The following CRTAC1 variants were observed in gnomAD, a reference collection of about 807,000 sequenced individuals.
The protein encoded by CRTAC1 is acidic secreted protein in cartilage.
Under a neutral mutation model 67.8 loss-of-function variants are expected in CRTAC1, and 37 were observed. The observed-to-expected ratio is 0.55, with a 90% CI of 0.42 to 0.72. The LOEUF (loss-of-function observed/expected upper bound fraction) is 0.72, where lower values mean the gene tolerates loss of function less well. CRTAC1 is among the 30% of genes least tolerant of loss of function. The probability of loss-of-function intolerance (pLI) is 0.00; values close to 1 mark genes in which losing one functional copy is unlikely to be tolerated. For synonymous variants in CRTAC1, 348 were observed against 371.0 expected (o/e 0.94, Z 0.71); for missense variants, 780 against 931.6 (o/e 0.84, Z 2.12).
chr10:97,923,491 G>C, intron 3 of CRTAC1, 91 bp from the exon 4 acceptor site: 2 of 1,541,456 alleles, frequency 1.3e-6, no homozygotes, highest in Non-Finnish European at 1.8e-6. Flanking sequence ...CTTTCACAAG[G>C]TGGTTGGGAC....
At chr10:97,876,227 C>A (rs2050145580) in intron 14 of CRTAC1, among the ~76,000 whole-genome samples, 2 of 152,184 alleles carry the variant, frequency 1.3e-5, no homozygotes, top group Non-Finnish European at 2.9e-5. Flanking sequence ...TCCAGTCCTG[C>A]CTTCGTCTGT....
At chr10:97,906,659 G>A (rs557254642) in intron 6 of CRTAC1, among the ~76,000 whole-genome samples, 1 of 152,280 alleles carries the variant, frequency 6.6e-6, no homozygotes, top group African/African-American at 2.4e-5. Context: ...ATAGCACTAG[G>A]AGGGGTGAGC....
Position 97,923,162 on chromosome 10 carries a change from C to T in CRTAC1, c.558+102G>A. On this transcript the variant is annotated intron_variant, in intron 4 of 14. Transcript: ENST00000370597. ...TATTTAGCACCCAATCTATCCAAGA[C>T]ACCGCGGGAGACGCCACTCTGTCAG... The T allele has an allele frequency of 2.9e-6, 4 of 1,389,598 alleles. No individual in the cohort carries two copies. The South Asian group carries it at 3.7e-5, about 13-fold the overall frequency. The allele number at this position is 1,389,598 out of a possible 1,614,324, so 86.1% of individuals were successfully genotyped here.
intron 2 of CRTAC1, among the ~76,000 whole-genome samples, chr10:97,947,387 C>G (rs1193840529): frequency 6.6e-6 from 1 of 152,142 alleles, no homozygotes; most frequent in Non-Finnish European, 1.5e-5. Context: ...TTTGTTTGAT[C>G]TGGAACTTGA....
chr10:97,874,805 GC>G (rs1357442938), intron 14 of CRTAC1, among the ~76,000 whole-genome samples: 1 of 152,036 alleles, frequency 6.6e-6, no homozygotes, highest in Non-Finnish European at 1.5e-5. Context: ...TTCTCAGGGA[GC>G]CCCCCTGCCC....
At chr10:97,956,761 T>A (rs538310221) in intron 2 of CRTAC1, among the ~76,000 whole-genome samples, 1 of 151,578 alleles carries the variant, frequency 6.6e-6, no homozygotes, top group South Asian at 2.1e-4. Flanking sequence ...ACAAAAATGA[T>A]CTCAGAGGTG....
At chr10:97,968,974 A>C (rs1010643423) in intron 2 of CRTAC1, among the ~76,000 whole-genome samples, 1 of 152,210 alleles carries the variant, frequency 6.6e-6, no homozygotes, top group Admixed American at 6.5e-5. Context: ...GGAATTTCTC[A>C]GTCACATTTG....
intron 1 of CRTAC1, among the ~76,000 whole-genome samples, chr10:98,024,559 G>T (rs1021552643): frequency 6.6e-6 from 1 of 152,100 alleles, no homozygotes; most frequent in Non-Finnish European, 1.5e-5. Flanking sequence ...TCTGGATGCT[G>T]ATCAGATTTC....
At chr10:97,874,320 T>A (rs4511226) in intron 14 of CRTAC1, among the ~76,000 whole-genome samples, 25,696 of 152,252 alleles carry the variant, frequency 0.17, 2,818 homozygotes, top group Middle Eastern at 0.3. Flanking sequence ...TAGCTCCTGG[T>A]GACCTCTGCT....
intron 12 of CRTAC1, among the ~76,000 whole-genome samples, chr10:97,883,078 G>A (rs1373262347): frequency 6.6e-6 from 1 of 152,212 alleles, no homozygotes; most frequent in Non-Finnish European, 1.5e-5. Context: ...GGATCCACAC[G>A]AGCTGGGACG....
chr10:97,981,832 A>G (rs1246696183), intron 2 of CRTAC1, among the ~76,000 whole-genome samples: 1 of 152,242 alleles, frequency 6.6e-6, no homozygotes, highest in African/African-American at 2.4e-5. Context: ...TGTTAATAAA[A>G]ACAAGAGTCT....
chr10:97,915,694 G>T (rs1470727788), intron 5 of CRTAC1, among the ~76,000 whole-genome samples: 1 of 152,088 alleles, frequency 6.6e-6, no homozygotes, highest in Non-Finnish European at 1.5e-5. Flanking sequence ...AGTGACAAGG[G>T]GGGCTACAGG....
chr10:97,865,332 G>A lies in CRTAC1; in HGVS notation c.*216C>T. The A allele has an allele frequency of 2.0e-6, 1 of 489,330 alleles. No individual in the cohort carries two copies. Among genetic ancestry groups the A allele is most frequent in the Non-Finnish European group, 3.5e-6 (1 of 289,302 alleles). 30.3% of individuals were successfully genotyped at this position (489,330 alleles called of 1,614,324 possible). A position where few individuals can be genotyped will look rare whatever the true frequency, so the allele number is the denominator to read the frequency against. ...ACCCACTGGAATGTAAGCGCCATCA[G>A]GGCAGCGACCCTGTCTGCTGTGATC... On this transcript the variant is annotated 3_prime_UTR_variant, in exon 15 of 15. Coordinates refer to ENST00000370597, the MANE Select transcript of CRTAC1 (RefSeq NM_018058.7).
intron 2 of CRTAC1, among the ~76,000 whole-genome samples, chr10:97,976,463 G>C (rs2051805204): frequency 6.6e-6 from 1 of 152,166 alleles, no homozygotes; most frequent in African/African-American, 2.4e-5. Context: ...ACCTCATGGG[G>C]TTAAAGTGGG....
At chr10:98,014,189 C>T (rs1227546900) in intron 1 of CRTAC1, among the ~76,000 whole-genome samples, 1 of 152,206 alleles carries the variant, frequency 6.6e-6, no homozygotes, top group African/African-American at 2.4e-5. Context: ...ACCCTGGCTA[C>T]TCAGAGCAGT....
intron 7 of CRTAC1, 98 bp downstream of exon 7, chr10:97,904,571 C>A (rs2050583705): frequency 3.2e-6 from 4 of 1,245,646 alleles, no homozygotes; most frequent in East Asian, 2.7e-5. Context: ...AGGCACGCAC[C>A]ACCACACCTG....
rs1267503999 is a variant in CRTAC1 at position 97,975,352 on chromosome 10, A to G, written c.224+35786T>C. 1.3e-5 allele frequency among the ~76,000 whole-genome samples: 2 copies of G among 151,880 alleles called. No individual in the cohort carries two copies. The highest frequency in any genetic ancestry group is 1.3e-4 in the Admixed American group (2 of 15,280). The stretch of plus-strand genomic sequence containing the variant: ...GGTTCCTGACCCGCCTCCTGGCTGG[A>G]GGGTTCAAAAGACTTCAGACCTCCG... On this transcript the variant is annotated intron_variant, in intron 2 of 14. Transcript: ENST00000370597. This position sits in a 1 kb window ranked among gnomAD's most constrained non-coding sequence, Gnocchi z 4.8.
At chr10:98,018,368 T>G (rs1018188604) in intron 1 of CRTAC1, among the ~76,000 whole-genome samples, 5 of 151,942 alleles carry the variant, frequency 3.3e-5, no homozygotes, top group African/African-American at 1.2e-4. Flanking sequence ...ACCATGGAGA[T>G]CGTATGACCT....
chr10:97,969,160 C>T (rs1012859717), intron 2 of CRTAC1, among the ~76,000 whole-genome samples: 6 of 152,124 alleles, frequency 3.9e-5, no homozygotes, highest in Non-Finnish European at 7.4e-5. Flanking sequence ...TGATAGGCAC[C>T]TTTTTTGGCC....
Sources: allele counts gnomAD v4.1 joint callset (sites outside exome capture counted in the v4.1 genomes callset), GRCh38; gene constraint gnomAD v4.1.1; non-coding constraint Gnocchi (gnomAD v3.1); transcripts MANE v1.5; gene names NCBI Gene and HGNC (gene_info 2026-07-23, HGNC 2026-07-21).